TIAM2: variants seen among roughly 807,000 people sequenced by gnomAD.
TIAM2 encodes rho guanine nucleotide exchange factor TIAM2.
In TIAM2, 80 loss-of-function variants were observed where a neutral mutation model predicts 152.9. The observed-to-expected ratio is 0.52, with a 90% CI of 0.44 to 0.63. TIAM2 has a LOEUF of 0.63. Among genes scored for constraint, TIAM2 ranks in the 30% least tolerant of loss-of-function variants. The pLI, the probability that TIAM2 is intolerant of heterozygous loss-of-function variation, is 0.00. For synonymous variants in TIAM2, 804 were observed against 838.0 expected, an observed-to-expected ratio of 0.96 and a Z score of 0.70; for missense variants, 1,965 against 2,120.1, an observed-to-expected ratio of 0.93 and a Z score of 1.44.
chr6:155,000,662 TGGA>T (rs989251627), intron 1 of TIAM2, among the ~76,000 whole-genome samples: 3 of 151,288 alleles, frequency 2.0e-5, no homozygotes, highest in Admixed American at 2.0e-4. Context: ...AAGTTTTAGG[TGGA>T]GGAGTGATAG....
chr6:155,240,135 T>C (rs928355589), intron 15 of TIAM2, among the ~76,000 whole-genome samples: 1 of 152,190 alleles, frequency 6.6e-6, no homozygotes, highest in African/African-American at 2.4e-5. Flanking sequence ...GGCCAACCAT[T>C]GAGGGGACTG....
intron 25 of TIAM2, 121 bp downstream of exon 25, chr6:155,254,181 C>A: frequency 2.6e-6 from 3 of 1,148,838 alleles, no homozygotes; most frequent in Non-Finnish European, 3.7e-6. Context: ...TCCCCACCCT[C>A]CGAAAAAGGC....
At chr6:155,177,035 A>G in intron 10 of TIAM2, 58 bp downstream of exon 10, 3 of 1,537,614 alleles carry the variant, frequency 2.0e-6, no homozygotes, top group Non-Finnish European at 2.6e-6. Context: ...TAATGTTGCA[A>G]TCTTATGCCT....
intron 2 of TIAM2, among the ~76,000 whole-genome samples, chr6:155,095,002 G>C (rs1778390539): frequency 6.6e-6 from 1 of 151,896 alleles, no homozygotes; most frequent in Non-Finnish European, 1.5e-5. Context: ...GTTCTCCATG[G>C]TCATGGAGAA....
At chr6:155,053,399 C>A (rs116359217) in intron 1 of TIAM2, among the ~76,000 whole-genome samples, 363 of 151,318 alleles carry the variant, frequency 2.4e-3, no homozygotes, top group African/African-American at 8.5e-3. Context: ...ATGCGATCCT[C>A]CTGCTTTGGC....
At chr6:155,048,882 C>G (rs146114834) in intron 1 of TIAM2, among the ~76,000 whole-genome samples, 7,791 of 151,516 alleles carry the variant, frequency 0.051, 690 homozygotes, top group African/African-American at 0.18. Flanking sequence ...CTCACTGCAA[C>G]CTTTGCCTCC....
chr6:155,127,723 A>G (rs1228890842), intron 3 of TIAM2, 123 bp downstream of exon 3: 5 of 411,346 alleles, frequency 1.2e-5, no homozygotes, highest in Non-Finnish European at 2.4e-5. Context: ...AATTACCACC[A>G]AAGAAAAGTC....
chr6:155,243,846 C>CA lies in TIAM2; in HGVS notation c.3349-134dup, dbSNP rs59365890. On this transcript the variant is annotated intron_variant, in intron 16 of 26. Transcript: ENST00000682666. The stretch of plus-strand genomic sequence containing the variant: ...TGGGTGACAGAGCAAGACTCCGTCT[C>CA]AAAAAAAAAAAAAAAAAAAAAAAAA... Among the ~76,000 whole-genome samples, 360 of 55,050 alleles carry CA rather than the reference C, an allele frequency of 6.5e-3. 16 individuals carry two copies. Among genetic ancestry groups the CA allele is most frequent in the African/African-American group, 9.2e-3 (114 of 12,390 alleles). 36.1% of individuals were successfully genotyped at this position (55,050 alleles called of 152,430 possible).
rs1443261032 is a variant in TIAM2 at position 155,211,307 on chromosome 6, G to T, written c.3168G>T (p.Arg1056Ser). The T allele has an allele frequency of 2.5e-6, 4 of 1,612,586 alleles. No individual in the cohort carries two copies. The highest frequency in any genetic ancestry group is 1.1e-5 in the South Asian group (1 of 90,996). The change falls in exon 15 of 27, where the codon AGG (arginine) becomes AGT (serine). Residue 1056 changes from arginine to serine, a missense_variant and splice_region_variant. By Grantham distance (110) the Arg-to-Ser change is moderately radical. Transcript: ENST00000682666. ...GGGAGAAAATGGAGCAGACATTCAG[G>T]GTAAGATACTGGCCCAAATCGCAAA... The part of the protein sequence containing the change: ...SHREKMEQTF[R>S]SAEQITALCR...
intron 1 of TIAM2, among the ~76,000 whole-genome samples, chr6:155,085,501 C>A (rs1288942769): frequency 6.6e-6 from 1 of 151,956 alleles, no homozygotes. Context: ...TGAACTTCAC[C>A]CAGTCCTTGG....
At position 155,014,940 on chromosome 6, in the gene TIAM2, G is replaced by T. The variant is rs148754045; in HGVS notation, c.-209+19448G>T. Among the ~76,000 whole-genome samples the T allele has an allele frequency of 3.2e-3, 483 of 152,268 alleles. 2 individuals are homozygous for T. The highest frequency in any genetic ancestry group is 0.011 in the African/African-American group (467 of 41,538). On this transcript the variant is annotated intron_variant, in intron 1 of 26. Coordinates refer to ENST00000682666, the MANE Select transcript of TIAM2 (RefSeq NM_012454.4). ...GAGTTGTCCGTCAGGAGGCTGGAGA[G>T]GCAGACTGGAACAAGAGCTGGTAAG...
chr6:155,022,920 C>T (rs556768201), intron 1 of TIAM2, among the ~76,000 whole-genome samples: 7 of 152,244 alleles, frequency 4.6e-5, no homozygotes, highest in South Asian at 2.1e-4. Context: ...CAGCCATGGA[C>T]GTGGATAAAG....
chr6:155,141,050 G>GTAGTGA (rs539071350), intron 5 of TIAM2, among the ~76,000 whole-genome samples: 4 of 152,182 alleles, frequency 2.6e-5, no homozygotes, highest in Non-Finnish European at 5.9e-5. Context: ...AACTTCAGGG[G>GTAGTGA]TAGTGATGGG....
intron 2 of TIAM2, among the ~76,000 whole-genome samples, chr6:155,107,052 C>T (rs1195918698): frequency 6.6e-6 from 1 of 152,080 alleles, no homozygotes; most frequent in East Asian, 1.9e-4. Flanking sequence ...TTACCATGAG[C>T]AGAAGGAAGA....
chr6:155,257,642 T>TAAAAG lies in TIAM2; in HGVS notation c.*525_*529dup. The stretch of plus-strand genomic sequence containing the variant: ...TCATAACTATCTATACAGTATATAT[T>TAAAAG]AAAAGAAAGCTTGTACTGTATCTTA... On this transcript the variant is annotated 3_prime_UTR_variant, in exon 27 of 27. Transcript: ENST00000682666. The TAAAAG allele has an allele frequency of 9.7e-6, 6 of 617,454 alleles. No homozygotes were observed. The South Asian group carries it at 1.0e-4, about 10-fold the overall frequency. 38.2% of individuals were successfully genotyped at this position (617,454 alleles called of 1,614,324 possible).
rs750158105 is a variant in TIAM2 at position 155,244,093 on chromosome 6, C to T, written c.3417+14C>T. 40 of 1,611,532 alleles carry T rather than the reference C, an allele frequency of 2.5e-5. No homozygotes were observed. The Admixed American group carries it at 3.2e-4, about 13-fold the overall frequency. ...ACCCAAGATGAGGTAAATAAAATCA[C>T]CTTCCTTCTGTCCAGTGATCCACAG... On this transcript the variant is annotated intron_variant, in intron 17 of 26. Transcript: ENST00000682666.
At chr6:155,195,460 ATTTAG>A (rs1781318989) in intron 14 of TIAM2, among the ~76,000 whole-genome samples, 1 of 152,212 alleles carries the variant, frequency 6.6e-6, no homozygotes, top group South Asian at 2.1e-4. Context: ...TTTATCAAGT[ATTTAG>A]TTACTGCCTG....
chr6:155,061,537 C>T (rs1481406539), intron 1 of TIAM2, among the ~76,000 whole-genome samples: 1 of 152,196 alleles, frequency 6.6e-6, no homozygotes, highest in Non-Finnish European at 1.5e-5. Flanking sequence ...TATAAATGTG[C>T]TCATCCCTAC....
At chr6:155,050,045 G>A (rs927772969) in intron 1 of TIAM2, among the ~76,000 whole-genome samples, 5 of 152,178 alleles carry the variant, frequency 3.3e-5, no homozygotes, top group African/African-American at 1.2e-4. Flanking sequence ...GAAGGTAAGA[G>A]ATTTCATTTT....
Sources: gnomAD v4.1 joint callset for allele counts (sites outside exome capture counted in the v4.1 genomes callset) on GRCh38, gnomAD v4.1.1 for gene constraint, MANE v1.5 for transcripts, NCBI Gene and HGNC (gene_info 2026-07-23, HGNC 2026-07-21) for gene names.